CPZ: variants seen among roughly 807,000 people sequenced by gnomAD.
CPZ encodes carboxypeptidase Z.
In CPZ, 103 loss-of-function variants were observed where a neutral mutation model predicts 61.8. The observed-to-expected ratio is 1.67, with a 90% CI of 1.42 to 1.96. CPZ has a LOEUF of 1.96. Among genes scored for constraint, CPZ ranks in the 30% most tolerant of loss-of-function variants. The probability of loss-of-function intolerance (pLI) is 0.00; values close to 1 mark genes in which losing one functional copy is unlikely to be tolerated. For synonymous variants in CPZ, 551 were observed against 373.7 expected (o/e 1.47, Z -5.47); for missense variants, 1,461 against 914.9 (o/e 1.60, Z -7.70).
Position 8,607,316 on chromosome 4 carries a change from TTG to T in CPZ, c.1121_1122del (p.Val374AlafsTer46), listed in dbSNP as rs1162328035. On this transcript the variant is annotated frameshift_variant, in exon 7 of 11. Coordinates refer to ENST00000360986, the MANE Select transcript of CPZ (RefSeq NM_001014447.3). LOFTEE classifies it high-confidence loss of function. ...ATGAAGTGGATGCAGACCATACCCTTTGTGCTCTCAGCCAGCCTTCATGGGGG... is the reference window on the plus strand; with the variant it reads ...ATGAAGTGGATGCAGACCATACCCTTTGCTCTCAGCCAGCCTTCATGGGGG... 9 of 1,614,068 alleles carry T rather than the reference TTG, an allele frequency of 5.6e-6. No individual in the cohort carries two copies. The Admixed American group carries it at 1.3e-4, about 24-fold the overall frequency.
At chr4:8,601,624 C>A in intron 3 of CPZ, 127 bp downstream of exon 3, 1 of 1,055,208 alleles carries the variant, frequency 9.5e-7, no homozygotes, top group Middle Eastern at 2.3e-4. Flanking sequence ...TGGTAGAGGG[C>A]GGGGCTGCTC....
At chr4:8,617,133 C>T (rs1257912603) in intron 9 of CPZ, among the ~76,000 whole-genome samples, 4 of 152,192 alleles carry the variant, frequency 2.6e-5, no homozygotes, top group African/African-American at 7.2e-5. Context: ...GCTCACGGGC[C>T]GCGTGTGTCA....
chr4:8,609,035 ACCCATTCACTCC>A (rs1177394464), intron 7 of CPZ, among the ~76,000 whole-genome samples: 3 of 149,040 alleles, frequency 2.0e-5, no homozygotes, highest in Admixed American at 6.6e-5. Flanking sequence ...TCCTTCACTC[ACCCATTCACTCC>A]CTCCCTCCCT....
chr4:8,598,635 C>A (rs933573439), intron 1 of CPZ, among the ~76,000 whole-genome samples: 9 of 152,350 alleles, frequency 5.9e-5, no homozygotes, highest in African/African-American at 2.2e-4. Context: ...TGGGCCCGTC[C>A]CAGCACTAGC....
rs1714570736 is a variant in CPZ at position 8,601,449 on chromosome 4, T to A, written c.448T>A (p.Phe150Ile). 6.5e-7 allele frequency: 1 copy of A among 1,540,372 alleles called. No homozygotes were observed. Among genetic ancestry groups the A allele is most frequent in the African/African-American group, 1.4e-5 (1 of 73,588 alleles). Reference protein sequence around the residue: ...WPYFLDCHRYFTREDEGCYDP... With the variant: ...WPYFLDCHRYITREDEGCYDP... Reference sequence around the variant, plus strand: ...CTACTTCCTTGACTGCCACCGCTACTTCACGAGAGAGGACGAGGGCTGCTA... The same window carrying A: ...CTACTTCCTTGACTGCCACCGCTACATCACGAGAGAGGACGAGGGCTGCTA... The change falls in exon 3 of 11, where the codon TTC becomes ATC. Residue 150 changes from phenylalanine (F) to isoleucine (I), a missense_variant. Transcript: ENST00000360986.
At chr4:8,597,868 G>A (rs574693972) in intron 1 of CPZ, among the ~76,000 whole-genome samples, 1 of 152,306 alleles carries the variant, frequency 6.6e-6, no homozygotes, top group African/African-American at 2.4e-5. Context: ...CATGTGAAAT[G>A]GGGGAAATGG....
At chr4:8,605,107 A>G (rs1714839573) in intron 4 of CPZ, among the ~76,000 whole-genome samples, 1 of 152,212 alleles carries the variant, frequency 6.6e-6, no homozygotes, top group Non-Finnish European at 1.5e-5. Context: ...GAAAGCTCCC[A>G]GGTCATTTAT....
intron 8 of CPZ, among the ~76,000 whole-genome samples, chr4:8,614,123 C>A (rs1295184447): frequency 1.3e-5 from 2 of 152,236 alleles, no homozygotes; most frequent in African/African-American, 4.8e-5. Context: ...AAGTGGGGAT[C>A]ATATGGTCCA....
rs1181573328 is a variant in CPZ, at chr4:8,601,438, G to C, written c.437G>C (p.Cys146Ser). The C allele has an allele frequency of 6.4e-7, 1 of 1,552,828 alleles. No individual in the cohort carries two copies. Among genetic ancestry groups the C allele is most frequent in the East Asian group, 2.3e-5 (1 of 42,762 alleles). The change falls in exon 3 of 11, where the codon TGC (cysteine) becomes TCC (serine). Residue 146 changes from cysteine (C) to serine (S), a missense_variant. Coordinates refer to ENST00000360986, the MANE Select transcript of CPZ (RefSeq NM_001014447.3). ...IDMAWPYFLDCHRYFTREDEG... is the reference protein window; with the variant it reads ...IDMAWPYFLDSHRYFTREDEG... ...ATGGCCTGGCCCTACTTCCTTGACT[G>C]CCACCGCTACTTCACGAGAGAGGAC...
chr4:8,601,085 C>T (rs759268584), intron 2 of CPZ, 38 bp from the exon 3 acceptor site: 41 of 1,537,474 alleles, frequency 2.7e-5, no homozygotes, highest in Non-Finnish European at 3.4e-5. Context: ...GTCAGGGCCA[C>T]TGCAGGAGGG....
rs1275874201 is a variant in CPZ at position 8,612,146 on chromosome 4, G to A, written c.1347G>A (p.Trp449Ter). The A allele has an allele frequency of 4.2e-6, 6 of 1,414,108 alleles. No individual in the cohort carries two copies. The highest frequency in any genetic ancestry group is 5.7e-6 in the Non-Finnish European group (6 of 1,054,924). 87.6% of individuals were successfully genotyped at this position (1,414,108 alleles called of 1,614,324 possible). Reference protein sequence around the residue: ...KRGSIINGADWYSFTGGMSDF... With the variant: ...KRGSIINGAD ...GGAGCATCATCAACGGGGCGGACTG[G>A]TACAGCTTCACGGGAGGTGCGGCTT... The change falls in exon 8 of 11, where the codon TGG becomes TGA. Residue 449 changes from tryptophan (W) to a stop codon, truncating the protein, a stop_gained. Coordinates refer to ENST00000360986, the MANE Select transcript of CPZ (RefSeq NM_001014447.3). LOFTEE classifies it high-confidence loss of function.
intron 1 of CPZ, among the ~76,000 whole-genome samples, chr4:8,593,760 C>T (rs984610005): frequency 1.3e-5 from 2 of 152,130 alleles, no homozygotes; most frequent in Non-Finnish European, 2.9e-5. Context: ...AGTGGATGTG[C>T]CAGGACCACA....
intron 1 of CPZ, among the ~76,000 whole-genome samples, chr4:8,597,150 G>A (rs780502238): frequency 1.3e-5 from 2 of 152,162 alleles, no homozygotes; most frequent in Non-Finnish European, 2.9e-5. Flanking sequence ...GGTCAGCTGA[G>A]TGCAAACCCT....
chr4:8,618,271 G>C (rs773174137), intron 9 of CPZ, 158 bp from the exon 10 acceptor site: 2 of 641,056 alleles, frequency 3.1e-6, no homozygotes, highest in Non-Finnish European at 5.5e-6. Context: ...TGACTGACTC[G>C]TTAAAGATGG....
At chr4:8,618,634 G>A (rs1172253718) in intron 10 of CPZ, 106 bp downstream of exon 10, 5 of 1,074,460 alleles carry the variant, frequency 4.7e-6, no homozygotes, top group Non-Finnish European at 6.8e-6. Flanking sequence ...GCCCTCAGCA[G>A]GATGGCTCCA....
intron 1 of CPZ, chr4:8,597,317 G>A (rs1394321717): frequency 1.3e-5 from 2 of 152,144 alleles, no homozygotes; most frequent in Non-Finnish European, 2.9e-5. Flanking sequence ...ACTGACAGGG[G>A]GGTGAGGGCA....
chr4:8,610,979 C>T (rs942918342), intron 7 of CPZ, among the ~76,000 whole-genome samples: 1 of 151,680 alleles, frequency 6.6e-6, no homozygotes, highest in African/African-American at 2.4e-5. Flanking sequence ...CACTCATTCA[C>T]TCAGTCACTC....
At position 8,605,626 on chromosome 4, in the gene CPZ, CATTGATAT is replaced by C. The variant is rs1560294224; in HGVS notation, c.710-360_710-353del. On this transcript the variant is annotated intron_variant, in intron 4 of 10. Coordinates refer to ENST00000360986, the MANE Select transcript of CPZ (RefSeq NM_001014447.3). The stretch of plus-strand genomic sequence containing the variant: ...TCCATCCATCCATCCATCCATCCAT[CATTGATAT>C]ATCCATTCATCCACTCAAGGGCCAA... 7.2e-5 allele frequency among the ~76,000 whole-genome samples: 8 copies of C among 111,112 alleles called. No homozygotes were observed. In the South Asian group the frequency reaches 1.7e-3, roughly 24 times the overall value. 72.9% of individuals were successfully genotyped at this position (111,112 alleles called of 152,430 possible).
chr4:8,595,538 G>C (rs6820571), intron 1 of CPZ, among the ~76,000 whole-genome samples: 42,994 of 152,170 alleles, frequency 0.28, 6,631 homozygotes, highest in African/African-American at 0.41. Flanking sequence ...GGAGGCCAAG[G>C]CAGCTGGCAA....
Sources: allele counts gnomAD v4.1 joint callset (sites outside exome capture counted in the v4.1 genomes callset), GRCh38; gene constraint gnomAD v4.1.1; transcripts MANE v1.5; gene names NCBI Gene and HGNC (gene_info 2026-07-23, HGNC 2026-07-21).